HTN3: variants seen among roughly 807,000 people sequenced by gnomAD.
The protein encoded by HTN3 is histatin 3.
Under a neutral mutation model 10.6 loss-of-function variants are expected in HTN3, and 15 were observed. That is an observed-to-expected ratio of 1.42 (90% CI 0.95 to 2.18). The LOEUF is 2.18. Ranked by LOEUF, HTN3 falls within the 30% of genes most tolerant of loss-of-function variation. The pLI, the probability that HTN3 is intolerant of heterozygous loss-of-function variation, is 0.00. For missense variants in HTN3, 68 were observed against 58.0 expected (o/e 1.17, Z -0.56); for synonymous variants, 15 against 16.9 (o/e 0.89, Z 0.27).
intron 3 of HTN3, 22 bp from the exon 4 acceptor site, chr4:70,032,056 A>G: frequency 6.5e-7 from 1 of 1,537,660 alleles, no homozygotes; most frequent in South Asian, 1.2e-5. Context: ...TGAATTTTTA[A>G]TCTTTTCTTT....
rs1482861887 is a variant in HTN3 at position 70,036,435 on chromosome 4, T to A, written c.*202T>A. ...CTTCCCTTCCTAATTATCATTTGATTAGATACTTGCAATTTAAATGTTAAG... is the reference window on the plus strand; with the variant it reads ...CTTCCCTTCCTAATTATCATTTGATAAGATACTTGCAATTTAAATGTTAAG... On this transcript the variant is annotated 3_prime_UTR_variant, in exon 6 of 6. Coordinates refer to ENST00000673563, the MANE Select transcript of HTN3 (RefSeq NM_000200.3). 2 of 152,242 alleles carry A rather than the reference T, an allele frequency of 1.3e-5. No homozygotes were observed. The highest frequency in any genetic ancestry group is 2.9e-5 in the Non-Finnish European group (2 of 68,046). The allele number at this position is 152,242 out of a possible 1,614,324, so 9.4% of individuals were successfully genotyped here. A position where few individuals can be genotyped will look rare whatever the true frequency, so the allele number is the denominator to read the frequency against.
At chr4:70,033,281 C>T in intron 5 of HTN3, 28 bp downstream of exon 5, 1 of 1,046,800 alleles carries the variant, frequency 9.6e-7, no homozygotes, top group East Asian at 2.5e-5. Context: ...ACTTTTCTTT[C>T]TAGAAGTATC....
intron 5 of HTN3, chr4:70,033,873 T>A (rs1455926551): frequency 6.6e-6 from 1 of 152,098 alleles, no homozygotes; most frequent in Non-Finnish European, 1.5e-5. Flanking sequence ...TTTGTTGCAA[T>A]TGTGAATGGG....
chr4:70,035,880 A>C (rs1351712752), intron 5 of HTN3, among the ~76,000 whole-genome samples: 4 of 152,182 alleles, frequency 2.6e-5, no homozygotes, highest in African/African-American at 7.2e-5. Context: ...ATATTAGAAA[A>C]GGCCTGATCT....
intron 2 of HTN3, chr4:70,031,485 T>A (rs1176130643): frequency 2.0e-5 from 3 of 153,588 alleles, no homozygotes; most frequent in African/African-American, 7.2e-5. Context: ...TTCAAATGAA[T>A]GTTTCAAAAA....
rs1203283901 is a variant in HTN3, at chr4:70,036,449, T to G, written c.*216T>G. The G allele has an allele frequency of 6.6e-6, 1 of 152,204 alleles. No individual in the cohort carries two copies. The highest frequency in any genetic ancestry group is 1.5e-5 in the Non-Finnish European group (1 of 68,032). The allele number at this position is 152,204 out of a possible 1,614,324, so 9.4% of individuals were successfully genotyped here. ...TATCATTTGATTAGATACTTGCAAT[T>G]TAAATGTTAAGCTGTTTTCACTGCT... On this transcript the variant is annotated 3_prime_UTR_variant, in exon 6 of 6. Coordinates refer to ENST00000673563, the MANE Select transcript of HTN3 (RefSeq NM_000200.3).
At chr4:70,030,691 G>C (rs1725364267) in intron 1 of HTN3, 37 bp from the exon 2 acceptor site, 1 of 1,336,562 alleles carries the variant, frequency 7.5e-7, no homozygotes, top group East Asian at 2.3e-5. Context: ...ATGCATGAAA[G>C]AATGTGATTA....
chr4:70,033,075 A>G (rs1422277898), intron 4 of HTN3, 92 bp from the exon 5 acceptor site: 16 of 861,962 alleles, frequency 1.9e-5, no homozygotes, highest in South Asian at 1.6e-4. Context: ...AACTTTAACA[A>G]TCTAAGCTTT....
intron 4 of HTN3, 70 bp downstream of exon 4, chr4:70,032,177 ATTG>A: frequency 1.0e-5 from 10 of 958,696 alleles, no homozygotes; most frequent in South Asian, 1.5e-5. Context: ...TCCTAGAATA[ATTG>A]ATAGTTATCT....
intron 4 of HTN3, 109 bp downstream of exon 4, chr4:70,032,216 G>A (rs1007304974): frequency 1.3e-6 from 1 of 785,140 alleles, no homozygotes; most frequent in Non-Finnish European, 2.1e-6. Flanking sequence ...ATCATTAATT[G>A]CTAAAGTGTA....
At chr4:70,030,351 G>A (rs1725352331) in intron 1 of HTN3, among the ~76,000 whole-genome samples, 1 of 152,050 alleles carries the variant, frequency 6.6e-6, no homozygotes, top group Admixed American at 6.6e-5. Context: ...ATGAAGCTAT[G>A]CCCTGGGCTC....
At chr4:70,033,486 C>T (rs114726801) in intron 5 of HTN3, 7,857 of 331,586 alleles carry the variant, frequency 0.024, 157 homozygotes, top group Non-Finnish European at 0.031. Context: ...GTTTTGGTAC[C>T]GGTACCATGC....
At chr4:70,032,457 G>A (rs1725407374) in intron 4 of HTN3, among the ~76,000 whole-genome samples, 1 of 151,978 alleles carries the variant, frequency 6.6e-6, no homozygotes, top group East Asian at 1.9e-4. Context: ...ATGAAGCATA[G>A]AGGCTACCCA....
chr4:70,031,450 C>A (rs17147979), intron 2 of HTN3: 6,743 of 153,604 alleles, frequency 0.044, 505 homozygotes, highest in African/African-American at 0.15. Flanking sequence ...CAAAAGAATA[C>A]TAATACTTCA....
intron 2 of HTN3, among the ~76,000 whole-genome samples, chr4:70,031,733 T>C (rs1725385733): frequency 6.6e-6 from 1 of 152,098 alleles, no homozygotes; most frequent in African/African-American, 2.4e-5. Context: ...TTTTCTTGCC[T>C]TTCATAAAAA....
At chr4:70,034,850 A>G (rs577297955) in intron 5 of HTN3, among the ~76,000 whole-genome samples, 1 of 152,354 alleles carries the variant, frequency 6.6e-6, no homozygotes, top group East Asian at 1.9e-4. Flanking sequence ...CGTATACACC[A>G]TGGAACACTA....
At position 70,032,241 on chromosome 4, in the gene HTN3, A is replaced by G; in HGVS notation, c.102+134A>G. 4.3e-6 allele frequency: 3 copies of G among 702,636 alleles called. No individual in the cohort carries two copies. The South Asian group carries it at 5.6e-5, about 13-fold the overall frequency. The allele number at this position is 702,636 out of a possible 1,614,324, so 43.5% of individuals were successfully genotyped here. A position where few individuals can be genotyped will look rare whatever the true frequency, so the allele number is the denominator to read the frequency against. ...GCTAAAGTGTACATTGATTTCATTT[A>G]TTCTTGTTACAGAGGTAAAAGGTCA... is the stretch of plus-strand genomic sequence containing the variant. On this transcript the variant is annotated intron_variant, in intron 4 of 5. Transcript: ENST00000673563.
intron 4 of HTN3, 61 bp from the exon 5 acceptor site, chr4:70,033,106 C>G (rs1725426602): frequency 1.7e-6 from 2 of 1,206,552 alleles, no homozygotes; most frequent in Admixed American, 3.9e-5. Flanking sequence ...TTTTGTGAAG[C>G]ATTTTTACTG....
chr4:70,033,373 G>T lies in HTN3; in HGVS notation c.*33+120G>T, dbSNP rs1578174708. The T allele has an allele frequency of 4.2e-5, 24 of 572,896 alleles. No individual in the cohort carries two copies. In the East Asian group the frequency reaches 5.4e-4, roughly 13 times the overall value. The allele number at this position is 572,896 out of a possible 1,614,324, so 35.5% of individuals were successfully genotyped here. ...TTCCAGTTTAAGAAATGTAGCGTGG[G>T]TTAGCTCTTTGAAGTGTGTTGATTT... On this transcript the variant is annotated intron_variant, in intron 5 of 5. Coordinates refer to ENST00000673563, the MANE Select transcript of HTN3 (RefSeq NM_000200.3).
Sources: allele counts gnomAD v4.1 joint callset (sites outside exome capture counted in the v4.1 genomes callset), GRCh38; gene constraint gnomAD v4.1.1; transcripts MANE v1.5; gene names NCBI Gene and HGNC (gene_info 2026-07-23, HGNC 2026-07-21).